Variants in RNF43 observed in about 807,000 individuals in gnomAD.
The protein encoded by RNF43 is E3 ubiquitin-protein ligase RNF43.
In RNF43, 37 loss-of-function variants were observed where a neutral mutation model predicts 78.4. The observed-to-expected ratio is 0.47, with a 90% CI of 0.36 to 0.62. RNF43 has a LOEUF of 0.62. Ranked by LOEUF, RNF43 falls within the 20% of genes least tolerant of loss-of-function variation. The probability of loss-of-function intolerance (pLI) is 0.00; values close to 1 mark genes in which losing one functional copy is unlikely to be tolerated. For synonymous variants in RNF43, 347 were observed against 395.0 expected (o/e 0.88, Z 1.44); for missense variants, 774 against 1,007.9 (o/e 0.77, Z 3.14).
In RNF43 at chr17:58,363,344, C is replaced by T. The variant is rs2143468354; in HGVS notation, c.513G>A (p.Lys171=). Residue 171 remains lysine (K), a synonymous_variant, in exon 5 of 10, where the codon AAG becomes AAA. Coordinates refer to ENST00000407977, the MANE Select transcript of RNF43 (RefSeq NM_017763.6). The part of the protein sequence containing the change: ...VVLIWGNDAE[K]LMEFVYKNQK... The stretch of plus-strand genomic sequence containing the variant: ...GGTTCTTGTACACAAACTCCATCAG[C>T]TTCTCAGCGTCATTACCCCAGATCA... 1 of 1,613,956 alleles carries T rather than the reference C, an allele frequency of 6.2e-7. No homozygotes were observed. Among genetic ancestry groups the T allele is most frequent in the African/African-American group, 1.3e-5 (1 of 74,918 alleles).
chr17:58,390,448 G>A (rs1426403895), intron 2 of RNF43, among the ~76,000 whole-genome samples: 2 of 152,272 alleles, frequency 1.3e-5, no homozygotes, highest in Middle Eastern at 3.4e-3. Flanking sequence ...GGATTCTGGT[G>A]TAAAGAGTAA....
In RNF43 at chr17:58,415,704, T is replaced by C; in HGVS notation, c.-127A>G. ...TATGCTTCCGTTTCAGAAAGCCAAGTCGTAGTTTTGGCCCTTCCTTTCTCT... is the reference window on the plus strand; with the variant it reads ...TATGCTTCCGTTTCAGAAAGCCAAGCCGTAGTTTTGGCCCTTCCTTTCTCT... On this transcript the variant is annotated 5_prime_UTR_variant, in exon 2 of 10. Coordinates refer to ENST00000407977, the MANE Select transcript of RNF43 (RefSeq NM_017763.6). 6 of 1,170,810 alleles carry C rather than the reference T, an allele frequency of 5.1e-6. No individual in the cohort carries two copies. The highest frequency in any genetic ancestry group is 1.5e-5 in the African/African-American group (1 of 65,336). 72.5% of individuals were successfully genotyped at this position (1,170,810 alleles called of 1,614,324 possible). A position where few individuals can be genotyped will look rare whatever the true frequency, so the allele number is the denominator to read the frequency against.
chr17:58,411,108 C>T (rs1271372278), intron 2 of RNF43, among the ~76,000 whole-genome samples: 3 of 152,110 alleles, frequency 2.0e-5, no homozygotes, highest in Admixed American at 6.5e-5. Flanking sequence ...AATTTCTTCT[C>T]TCATAAAGTT....
intron 2 of RNF43, among the ~76,000 whole-genome samples, chr17:58,379,575 T>C (rs1973271885): frequency 6.6e-6 from 1 of 152,188 alleles, no homozygotes; most frequent in Admixed American, 6.5e-5. Flanking sequence ...CCTATCCTCA[T>C]TTCAGACTGT....
chr17:58,357,595 C>T lies in RNF43; in HGVS notation c.2181G>A (p.Leu727=), dbSNP rs2143387514. ...CCAGGGGCTGGCGAGGAGTCAGGCA[C>T]AACCACACTGGCTGTGAATTTGAGT... The part of the protein sequence containing the change: ...PCYSNSQPVW[L]CLTPRQPLEP... Residue 727 remains leucine (L), a synonymous_variant, in exon 9 of 10, where the codon TTG becomes TTA. Transcript: ENST00000407977. The surrounding 1 kb of genome is among the most constrained non-coding windows in gnomAD (Gnocchi z 4.5). 6.2e-7 allele frequency: 1 copy of T among 1,613,978 alleles called. No homozygotes were observed. Among genetic ancestry groups the T allele is most frequent in the Non-Finnish European group, 8.5e-7 (1 of 1,179,970 alleles).
At chr17:58,416,851 C>T (rs1277912637) in intron 1 of RNF43, 166 bp downstream of exon 1, 1 of 152,100 alleles carries the variant, frequency 6.6e-6, no homozygotes, top group African/African-American at 2.4e-5. Context: ...TACACCTCAC[C>T]CACAAAGCCC....
chr17:58,405,066 T>C (rs899619048), intron 2 of RNF43, among the ~76,000 whole-genome samples: 1 of 144,666 alleles, frequency 6.9e-6, no homozygotes, highest in African/African-American at 2.6e-5. Flanking sequence ...GTTGTAGTAC[T>C]TCTTTTTTTT....
intron 8 of RNF43, among the ~76,000 whole-genome samples, 194 bp downstream of exon 8, chr17:58,359,955 A>C (rs1416738369): frequency 6.6e-6 from 1 of 152,174 alleles, no homozygotes; most frequent in Non-Finnish European, 1.5e-5. Flanking sequence ...TTAAAAAATA[A>C]ATAAATAAAG....
At chr17:58,375,674 A>AATTAGAGAGGGGGT (rs1973190879) in intron 2 of RNF43, among the ~76,000 whole-genome samples, 1 of 152,190 alleles carries the variant, frequency 6.6e-6, no homozygotes, top group Non-Finnish European at 1.5e-5. Context: ...CTGGGAGAGG[A>AATTAGAGAGGGGGT]ATTAGAGAGG....
At chr17:58,388,565 C>T (rs1973482861) in intron 2 of RNF43, among the ~76,000 whole-genome samples, 1 of 152,188 alleles carries the variant, frequency 6.6e-6, no homozygotes, top group Admixed American at 6.5e-5. Flanking sequence ...TATCTTCTTC[C>T]CAAAACTGTT....
chr17:58,360,016 G>C lies in RNF43; in HGVS notation c.952+133C>G. 3 of 638,478 alleles carry C rather than the reference G, an allele frequency of 4.7e-6. No homozygotes were observed. The highest frequency in any genetic ancestry group is 8.6e-6 in the Non-Finnish European group (3 of 347,114). 39.6% of individuals were successfully genotyped at this position (638,478 alleles called of 1,614,324 possible). ...CCCTCGAGTGAGGCACTCTGGAGCAGTGTACAGCCCATACAACTATGGTGG... is the reference window on the plus strand; with the variant it reads ...CCCTCGAGTGAGGCACTCTGGAGCACTGTACAGCCCATACAACTATGGTGG... On this transcript the variant is annotated intron_variant, in intron 8 of 9. Transcript: ENST00000407977. This position sits in a 1 kb window ranked among gnomAD's most constrained non-coding sequence, Gnocchi z 4.3.
chr17:58,363,115 G>A (rs1013457038), intron 5 of RNF43, 160 bp downstream of exon 5: 5 of 845,016 alleles, frequency 5.9e-6, no homozygotes, highest in Admixed American at 5.5e-5. Flanking sequence ...CAAAGACGGG[G>A]GAAAACTTGC....
In RNF43 at chr17:58,357,756, C is replaced by T. The variant is rs2143392741; in HGVS notation, c.2020G>A (p.Val674Met). Residue 674 changes from valine to methionine, a missense_variant, in exon 9 of 10, where the codon GTG becomes ATG. Transcript: ENST00000407977. This position sits in a 1 kb window ranked among gnomAD's most constrained non-coding sequence, Gnocchi z 4.5. ...GGAAAAATCTGGCAAGCTGGGTGCA[C>T]AGTTGCATCCTGGGGCCGAGAGCCA... ...TPGSRPQDAT[V>M]HPACQIFPHY... The T allele has an allele frequency of 1.9e-6, 3 of 1,613,136 alleles. No homozygotes were observed. The highest frequency in any genetic ancestry group is 2.5e-6 in the Non-Finnish European group (3 of 1,179,528).
chr17:58,354,747 A>G lies in RNF43; in HGVS notation c.*196T>C. ...GCACTGCAGATGTTTTCTGCAGACA[A>G]GGTCTGGAGCTGGAGCAGGAAACGG... On this transcript the variant is annotated 3_prime_UTR_variant, in exon 10 of 10. Coordinates refer to ENST00000407977, the MANE Select transcript of RNF43 (RefSeq NM_017763.6). 2 of 605,876 alleles carry G rather than the reference A, an allele frequency of 3.3e-6. No individual in the cohort carries two copies. The highest frequency in any genetic ancestry group is 3.7e-5 in the South Asian group (2 of 53,526). 37.5% of individuals were successfully genotyped at this position (605,876 alleles called of 1,614,324 possible). A position where few individuals can be genotyped will look rare whatever the true frequency, so the allele number is the denominator to read the frequency against.
At chr17:58,375,153 TC>T (rs1973181010) in intron 2 of RNF43, among the ~76,000 whole-genome samples, 1 of 152,076 alleles carries the variant, frequency 6.6e-6, no homozygotes. Context: ...AATAACCTAC[TC>T]CCTAGGGTCA....
rs1214262115 is a variant in RNF43, at chr17:58,357,555, C to T, written c.2221G>A (p.Gly741Arg). ...GAACTCCATTCAGAAGGCCCCTCCC[C>T]AGGTGGATGTGGTTCCAGGGGCTGG... is the stretch of plus-strand genomic sequence containing the variant. ...PRQPLEPHPP[G>R]EGPSEWSSDT... The change falls in exon 9 of 10, where the codon GGG becomes AGG. Residue 741 changes from glycine (G) to arginine (R), a missense_variant. Gly to Arg is a moderately radical substitution (Grantham distance 125). Transcript: ENST00000407977. The surrounding 1 kb of genome is among the most constrained non-coding windows in gnomAD (Gnocchi z 4.5). 1.2e-6 allele frequency: 2 copies of T among 1,614,222 alleles called. No individual in the cohort carries two copies. Among genetic ancestry groups the T allele is most frequent in the African/African-American group, 1.3e-5 (1 of 75,060 alleles).
rs115553539 is a variant in RNF43 at position 58,357,515 on chromosome 17, C to G, written c.2261G>C (p.Gly754Ala). 2,449 of 1,614,252 alleles carry G rather than the reference C, an allele frequency of 1.5e-3. 17 individuals carry two copies. In the African/African-American group the frequency reaches 0.024, roughly 16 times the overall value. ...GCAGTGCGGATAAGGGCATGGCCTG[C>G]CCTCTGCGGTGTCAGAACTCCATTC... ...PSEWSSDTAE[G>A]RPCPYPHCQV... Residue 754 changes from glycine (G) to alanine (A), a missense_variant, in exon 9 of 10, where the codon GGC becomes GCC. Gly to Ala is a moderately conservative substitution (Grantham distance 60, BLOSUM62 0). Transcript: ENST00000407977. The surrounding 1 kb of genome is among the most constrained non-coding windows in gnomAD (Gnocchi z 4.5).
intron 2 of RNF43, among the ~76,000 whole-genome samples, chr17:58,389,664 A>G (rs556722162): frequency 6.6e-6 from 1 of 152,342 alleles, no homozygotes; most frequent in Admixed American, 6.5e-5. Flanking sequence ...TTATTTCCCC[A>G]TAATATTAAA....
In RNF43 at chr17:58,354,860, C is replaced by T. The variant is rs992161700; in HGVS notation, c.*83G>A. The T allele has an allele frequency of 3.1e-6, 4 of 1,275,248 alleles. No individual in the cohort carries two copies. The highest frequency in any genetic ancestry group is 4.6e-5 in the East Asian group (2 of 43,276). The allele number at this position is 1,275,248 out of a possible 1,614,324, so 79.0% of individuals were successfully genotyped here. On this transcript the variant is annotated 3_prime_UTR_variant, in exon 10 of 10. Coordinates refer to ENST00000407977, the MANE Select transcript of RNF43 (RefSeq NM_017763.6). ...GAATGGTGTTTGCTGTGGTCCTTTC[C>T]TTTCCCAGGAGCAGGACTCTGTGCC... is the stretch of plus-strand genomic sequence containing the variant.
Sources: allele counts gnomAD v4.1 joint callset (sites outside exome capture counted in the v4.1 genomes callset), GRCh38; gene constraint gnomAD v4.1.1; non-coding constraint Gnocchi (gnomAD v3.1); transcripts MANE v1.5; gene names NCBI Gene and HGNC (gene_info 2026-07-23, HGNC 2026-07-21).